The following AGO3 variants were observed in gnomAD, a reference collection of about 807,000 sequenced individuals.
AGO3 encodes protein argonaute-3.
In AGO3, 16 loss-of-function variants were observed where a neutral mutation model predicts 105.5. That is an observed-to-expected ratio of 0.15 (90% CI 0.10 to 0.23). The LOEUF (loss-of-function observed/expected upper bound fraction) is 0.23. AGO3 is among the 10% of genes least tolerant of loss of function. AGO3 has a pLI of 1.00. For synonymous variants in AGO3, 340 were observed against 367.3 expected, an observed-to-expected ratio of 0.93 and a Z score of 0.85; for missense variants, 534 against 1,088.0, an observed-to-expected ratio of 0.49 and a Z score of 7.16.
chr1:36,014,703 G>A (rs1196390800), intron 11 of AGO3, among the ~76,000 whole-genome samples: 4 of 150,736 alleles, frequency 2.7e-5, no homozygotes, highest in South Asian at 2.1e-4. Flanking sequence ...CCCAGGAGGC[G>A]GAGCTTGTAG....
chr1:36,007,340 A>G (rs1640384355), intron 6 of AGO3, among the ~76,000 whole-genome samples: 1 of 152,136 alleles, frequency 6.6e-6, no homozygotes. Flanking sequence ...ACCTCTGTGT[A>G]CCTGTTAACT....
intron 5 of AGO3, chr1:35,982,752 G>A: frequency 3.1e-6 from 2 of 638,444 alleles, no homozygotes; most frequent in Admixed American, 2.8e-5. Flanking sequence ...TGGAGAGGAA[G>A]GATTAAGCTG....
chr1:36,054,796 C>A, intron 17 of AGO3, 150 bp from the exon 18 acceptor site: 1 of 685,020 alleles, frequency 1.5e-6, no homozygotes, highest in Non-Finnish European at 2.5e-6. Flanking sequence ...GCACTAGAAT[C>A]TTTTGAGCCC....
rs1295244850 is a variant in AGO3 at position 36,055,603 on chromosome 1, T to C, written c.2475-34T>C. ...GGAATTATTACATCAGAATAGAAAG[T>C]TTGTTTTTGTGTTCATTGCCACTTC... On this transcript the variant is annotated intron_variant, in intron 18 of 18. Transcript: ENST00000373191. This position sits in a 1 kb window ranked among gnomAD's most constrained non-coding sequence, Gnocchi z 4.4. The C allele has an allele frequency of 6.3e-7, 1 of 1,587,320 alleles. No individual in the cohort carries two copies. Among genetic ancestry groups the C allele is most frequent in the South Asian group, 1.1e-5 (1 of 89,510 alleles).
intron 12 of AGO3, among the ~76,000 whole-genome samples, chr1:36,029,638 C>T (rs1641674659): frequency 6.6e-6 from 1 of 151,066 alleles, no homozygotes; most frequent in South Asian, 2.1e-4. Context: ...CCTTGTGATC[C>T]TCCCGCCTCA....
At chr1:36,045,556 G>A (rs768398801) in intron 17 of AGO3, among the ~76,000 whole-genome samples, 30 of 148,278 alleles carry the variant, frequency 2.0e-4, no homozygotes, top group African/African-American at 4.0e-4. Flanking sequence ...TGCTTTTGTC[G>A]CCCACGCTAG....
chr1:35,996,452 G>A (rs1418424757), intron 5 of AGO3, among the ~76,000 whole-genome samples: 1 of 151,938 alleles, frequency 6.6e-6, no homozygotes, highest in East Asian at 1.9e-4. Context: ...AAAAAAAGTA[G>A]TAGTAAAAAT....
chr1:35,976,076 C>T (rs886750584), intron 5 of AGO3, among the ~76,000 whole-genome samples: 2 of 152,054 alleles, frequency 1.3e-5, no homozygotes, highest in African/African-American at 4.8e-5. Context: ...ACTGTGATTA[C>T]AGGCATGCAC....
chr1:36,034,099 G>GT, intron 12 of AGO3, 75 bp from the exon 13 acceptor site: 3 of 1,356,738 alleles, frequency 2.2e-6, no homozygotes, highest in South Asian at 3.6e-5. Flanking sequence ...GGGAAACATA[G>GT]TAGCTTTATT....
chr1:35,931,335 C>T lies in AGO3; in HGVS notation c.-92C>T. The T allele has an allele frequency of 2.4e-6, 3 of 1,234,058 alleles. No individual in the cohort carries two copies. The highest frequency in any genetic ancestry group is 2.2e-4 in the Middle Eastern group (1 of 4,610). The allele number at this position is 1,234,058 out of a possible 1,614,324, so 76.4% of individuals were successfully genotyped here. ...CGCCTCGGGGCCGAGTGAGAGTGCCCGTCGCGTCGCGCCGCGTCGCCCCCC... is the reference window on the plus strand; with the variant it reads ...CGCCTCGGGGCCGAGTGAGAGTGCCTGTCGCGTCGCGCCGCGTCGCCCCCC... On this transcript the variant is annotated 5_prime_UTR_variant, in exon 1 of 19. Transcript: ENST00000373191.
Position 36,002,513 on chromosome 1 carries a change from G to T in AGO3, c.659-1828G>T, listed in dbSNP as rs1640133962. Among the ~76,000 whole-genome samples the T allele has an allele frequency of 2.0e-5, 3 of 151,706 alleles. No individual in the cohort carries two copies. In the South Asian group the frequency reaches 6.3e-4, roughly 32 times the overall value. On this transcript the variant is annotated intron_variant, in intron 5 of 18. Transcript: ENST00000373191. ...CCTGGCTAATTTTTTTGTATTTTCA[G>T]TAGAGATGGGGTTTCACCATGTTGC...
In AGO3 at chr1:36,055,092, T is replaced by G. The variant is rs1026226779; in HGVS notation, c.2421T>G (p.Ala807=). 6.2e-7 allele frequency: 1 copy of G among 1,613,712 alleles called. No homozygotes were observed. Among genetic ancestry groups the G allele is most frequent in the East Asian group, 2.2e-5 (1 of 44,876 alleles). ...CTATACCTGCACCAGCGTATTATGCTCACCTGGTAGCATTTAGAGCCAGAT... is the reference window on the plus strand; with the variant it reads ...CTATACCTGCACCAGCGTATTATGCGCACCTGGTAGCATTTAGAGCCAGAT... ...SVSIPAPAYY[A]HLVAFRARYH... is the part of the protein sequence containing the mutation. Residue 807 remains alanine, a synonymous_variant, in exon 18 of 19, where the codon GCT becomes GCG. Coordinates refer to ENST00000373191, the MANE Select transcript of AGO3 (RefSeq NM_024852.4). This position sits in a 1 kb window ranked among gnomAD's most constrained non-coding sequence, Gnocchi z 4.4.
chr1:35,999,545 A>G (rs147203892), intron 5 of AGO3, among the ~76,000 whole-genome samples: 18 of 152,302 alleles, frequency 1.2e-4, no homozygotes, highest in African/African-American at 4.3e-4. Context: ...GTATCTTTCA[A>G]TAAAAGAGAT....
chr1:36,030,555 A>G (rs995243239), intron 12 of AGO3, among the ~76,000 whole-genome samples: 14 of 152,132 alleles, frequency 9.2e-5, no homozygotes, highest in African/African-American at 3.1e-4. Flanking sequence ...AAAGGGAAAA[A>G]TTTTGTGCTG....
At chr1:36,003,094 G>GATAA (rs772552120) in intron 5 of AGO3, among the ~76,000 whole-genome samples, 1 of 150,874 alleles carries the variant, frequency 6.6e-6, no homozygotes, top group African/African-American at 2.4e-5. Flanking sequence ...TAGATAAATA[G>GATAA]ATAAATAAAT....
intron 12 of AGO3, among the ~76,000 whole-genome samples, chr1:36,033,749 G>GAATTTTTA (rs749922793): frequency 2.2e-3 from 330 of 152,082 alleles, no homozygotes; most frequent in Non-Finnish European, 3.4e-3. Flanking sequence ...TAATACCTCT[G>GAATTTTTA]AATTTTTAAA....
At position 36,066,806 on chromosome 1, in the gene AGO3, T is replaced by C. The variant is rs1341166862; in HGVS notation, c.*11061T>C. 4 of 152,146 alleles carry C rather than the reference T, an allele frequency of 2.6e-5. No individual in the cohort carries two copies. The highest frequency in any genetic ancestry group is 5.9e-5 in the Non-Finnish European group (4 of 68,032). 9.4% of individuals were successfully genotyped at this position (152,146 alleles called of 1,614,324 possible). A position where few individuals can be genotyped will look rare whatever the true frequency, so the allele number is the denominator to read the frequency against. On this transcript the variant is annotated 3_prime_UTR_variant, in exon 19 of 19. Transcript: ENST00000373191. The stretch of plus-strand genomic sequence containing the variant: ...AAATAGACTAGTAGGATTGTGAGAA[T>C]ATATAGTGAGGGGGGATTTAGGATA...
chr1:36,049,039 A>G (rs1642590485), intron 17 of AGO3, among the ~76,000 whole-genome samples: 1 of 152,182 alleles, frequency 6.6e-6, no homozygotes, highest in Non-Finnish European at 1.5e-5. Flanking sequence ...ATGAAACCAT[A>G]TCCTTTACAG....
chr1:36,037,784 A>C lies in AGO3; in HGVS notation c.1842+1517A>C, dbSNP rs187623729. 5.9e-5 allele frequency among the ~76,000 whole-genome samples: 9 copies of C among 152,312 alleles called. No homozygotes were observed. The East Asian group carries it at 1.5e-3, about 26-fold the overall frequency. Reference sequence around the variant, plus strand: ...TTGTATTGAGTCATCTCTAACATTCATTAAAGTGTTCTTATAGATGATAAA... The same window carrying C: ...TTGTATTGAGTCATCTCTAACATTCCTTAAAGTGTTCTTATAGATGATAAA... On this transcript the variant is annotated intron_variant, in intron 14 of 18. Transcript: ENST00000373191.
Sources: allele counts gnomAD v4.1 joint callset (sites outside exome capture counted in the v4.1 genomes callset), GRCh38; gene constraint gnomAD v4.1.1; non-coding constraint Gnocchi (gnomAD v3.1); transcripts MANE v1.5; gene names NCBI Gene and HGNC (gene_info 2026-07-23, HGNC 2026-07-21).